Variants in METTL15 observed in about 807,000 individuals in gnomAD.
METTL15 encodes the protein methyltransferase 15, mitochondrial 12S rRNA N4-cytidine, also known as 12S rRNA N(4)-cytidine methyltransferase METTL15.
In METTL15, 34 loss-of-function variants were observed where a neutral mutation model predicts 38.3. The observed-to-expected ratio is 0.89, with a 90% CI of 0.68 to 1.18. The LOEUF is 1.18. Among genes scored for constraint, METTL15 ranks in the 50% most tolerant of loss-of-function variants. METTL15 has a pLI of 0.00. For synonymous variants in METTL15, 162 were observed against 170.9 expected (o/e 0.95, Z 0.41); for missense variants, 438 against 498.4 (o/e 0.88, Z 1.15).
intron 3 of METTL15, among the ~76,000 whole-genome samples, chr11:28,165,930 C>G (rs1207437310): frequency 6.6e-6 from 1 of 152,032 alleles, no homozygotes; most frequent in Non-Finnish European, 1.5e-5. Context: ...CATTTTGTGG[C>G]CTTGGCACCT....
At chr11:28,418,387 G>T (rs1039153444) in intron 5 of METTL15, among the ~76,000 whole-genome samples, 6 of 152,118 alleles carry the variant, frequency 3.9e-5, no homozygotes, top group African/African-American at 1.4e-4. Context: ...GGGATTGCTG[G>T]ATTACTGAGT....
intron 3 of METTL15, among the ~76,000 whole-genome samples, chr11:28,346,894 A>G (rs1031096692): frequency 6.6e-6 from 1 of 152,220 alleles, no homozygotes; most frequent in Admixed American, 6.5e-5. Context: ...TAAAAACAGA[A>G]GACTGACCAC....
At chr11:28,376,201 A>G (rs1172334140) in intron 5 of METTL15, among the ~76,000 whole-genome samples, 1 of 151,088 alleles carries the variant, frequency 6.6e-6, no homozygotes, top group African/African-American at 2.4e-5. Flanking sequence ...TGCAGAGCTG[A>G]GTTCAATTCG....
At chr11:28,490,771 G>A (rs1410517087) in intron 6 of METTL15, among the ~76,000 whole-genome samples, 1 of 152,058 alleles carries the variant, frequency 6.6e-6, no homozygotes, top group Non-Finnish European at 1.5e-5. Flanking sequence ...TTATCTGTTG[G>A]AGACAAATGT....
chr11:28,395,741 T>C (rs1850560987), intron 5 of METTL15, among the ~76,000 whole-genome samples: 2 of 152,142 alleles, frequency 1.3e-5, no homozygotes, highest in Non-Finnish European at 1.5e-5. Context: ...CCGTAACTCA[T>C]TTTATGAGGC....
intron 4 of METTL15, among the ~76,000 whole-genome samples, chr11:28,276,175 T>A (rs183229469): frequency 6.6e-6 from 1 of 152,102 alleles, no homozygotes; most frequent in Admixed American, 6.5e-5. Flanking sequence ...GTTGATCATA[T>A]AATTTTATAT....
rs551397230 is a variant in METTL15 at position 28,130,189 on chromosome 11, C to T, written c.270+16585C>T. ...TGCTGTATATGGTGGTGTACACTTG[C>T]AGTCCCAGTTATTCGAGAGGCTGAG... On this transcript the variant is annotated intron_variant, in intron 3 of 6. Coordinates refer to ENST00000407364, the MANE Select transcript of METTL15 (RefSeq NM_001113528.2). Among the ~76,000 whole-genome samples the T allele has an allele frequency of 3.9e-5, 6 of 152,042 alleles. No homozygotes were observed. The South Asian group carries it at 1.2e-3, about 32-fold the overall frequency.
At chr11:28,374,713 G>A (rs1050365562) in intron 5 of METTL15, among the ~76,000 whole-genome samples, 93 of 151,574 alleles carry the variant, frequency 6.1e-4, no homozygotes, top group African/African-American at 2.2e-3. Flanking sequence ...TTGAATAGGA[G>A]TGGTGAGAGA....
intron 4 of METTL15, among the ~76,000 whole-genome samples, chr11:28,222,502 G>T (rs537190506): frequency 6.6e-6 from 1 of 152,298 alleles, no homozygotes; most frequent in South Asian, 2.1e-4. Flanking sequence ...TGCACTTCTG[G>T]GGTGAGGCGA....
At chr11:28,237,816 C>G (rs957053331) in intron 4 of METTL15, among the ~76,000 whole-genome samples, 5 of 152,180 alleles carry the variant, frequency 3.3e-5, no homozygotes, top group Admixed American at 6.5e-5. Context: ...AGTTTCCCTT[C>G]TAACAGACAG....
rs145359345 is a variant in METTL15, at chr11:28,490,043, G to A, written c.*425-36435G>A. ...TAGGGGTAGAAGAGGAATAGAAGGA[G>A]AGGGAAGAAGGGGAGGAAGCAGAAG... On this transcript the variant is annotated intron_variant and NMD_transcript_variant, in intron 6 of 7. Transcript: ENST00000532947. Among the ~76,000 whole-genome samples, 44 of 152,216 alleles carry A rather than the reference G, an allele frequency of 2.9e-4. No homozygotes were observed. In the East Asian group the frequency reaches 8.3e-3, roughly 29 times the overall value.
At chr11:28,375,427 C>A (rs1441357062) in intron 5 of METTL15, among the ~76,000 whole-genome samples, 1 of 151,972 alleles carries the variant, frequency 6.6e-6, no homozygotes, top group East Asian at 1.9e-4. Flanking sequence ...TTATCCATTT[C>A]TTCTAGATTT....
chr11:28,138,869 C>A (rs1442883463), intron 3 of METTL15, among the ~76,000 whole-genome samples: 1 of 152,174 alleles, frequency 6.6e-6, no homozygotes, highest in Non-Finnish European at 1.5e-5. Context: ...GGCTTGCATT[C>A]TATCCTAAGG....
At chr11:28,421,732 A>G (rs1448331726) in intron 5 of METTL15, among the ~76,000 whole-genome samples, 1 of 152,034 alleles carries the variant, frequency 6.6e-6, no homozygotes, top group Non-Finnish European at 1.5e-5. Context: ...AACTAGTATC[A>G]CAACAAATGG....
intron 5 of METTL15, among the ~76,000 whole-genome samples, chr11:28,366,086 A>T (rs1269849050): frequency 6.6e-6 from 1 of 151,926 alleles, no homozygotes; most frequent in East Asian, 1.9e-4. Flanking sequence ...TAAAGATCCC[A>T]TTGTCAGGAG....
Position 28,214,477 on chromosome 11 carries a change from T to A in METTL15, c.407+3279T>A, listed in dbSNP as rs371433128. Among the ~76,000 whole-genome samples, 59 of 152,326 alleles carry A rather than the reference T, an allele frequency of 3.9e-4. No individual in the cohort carries two copies. In the South Asian group the frequency reaches 0.012, roughly 32 times the overall value. The stretch of plus-strand genomic sequence containing the variant: ...TAAAACAGTAATACCCGTGGCCTAA[T>A]GAAGTTTATTTCATGAAGATGAGAT... On this transcript the variant is annotated intron_variant, in intron 4 of 6. Transcript: ENST00000407364.
intron 6 of METTL15, among the ~76,000 whole-genome samples, chr11:28,487,330 G>A (rs1293482469): frequency 6.6e-6 from 1 of 151,998 alleles, no homozygotes. Context: ...GTAATTTATG[G>A]TTCATTAATA....
intron 4 of METTL15, among the ~76,000 whole-genome samples, chr11:28,250,233 A>G (rs1486814195): frequency 6.6e-6 from 1 of 152,078 alleles, no homozygotes; most frequent in Non-Finnish European, 1.5e-5. Flanking sequence ...CTTTGGGTAT[A>G]TACCCAATAA....
chr11:28,372,483 A>T (rs1192515177), intron 5 of METTL15, among the ~76,000 whole-genome samples: 1 of 130,384 alleles, frequency 7.7e-6, no homozygotes, highest in African/African-American at 2.9e-5. Context: ...ATGCCAATAC[A>T]TGTTAAACCA....
Sources: allele counts gnomAD v4.1 joint callset (sites outside exome capture counted in the v4.1 genomes callset), GRCh38; gene constraint gnomAD v4.1.1; transcripts MANE v1.5; gene names NCBI Gene and HGNC (gene_info 2026-07-23, HGNC 2026-07-21).